FMN1: variants seen among roughly 807,000 people sequenced by gnomAD.
FMN1 encodes formin 1.
In FMN1, 110 loss-of-function variants were observed where a neutral mutation model predicts 132.4. That is an observed-to-expected ratio of 0.83 (90% CI 0.71 to 0.97). The LOEUF (loss-of-function observed/expected upper bound fraction) is 0.97, where lower values mean the gene tolerates loss of function less well. Ranked by LOEUF, FMN1 falls within the 50% of genes least tolerant of loss-of-function variation. FMN1 has a pLI of 0.00. For missense variants in FMN1, 1,792 were observed against 1,705.3 expected, an observed-to-expected ratio of 1.05 and a Z score of -0.90; for synonymous variants, 722 against 651.7, an observed-to-expected ratio of 1.11 and a Z score of -1.64.
chr15:32,945,916 T>A (rs2061499699), intron 9 of FMN1, among the ~76,000 whole-genome samples: 1 of 152,216 alleles, frequency 6.6e-6, no homozygotes, highest in Non-Finnish European at 1.5e-5. Flanking sequence ...TCTCGCATAG[T>A]CTTCATTTGC....
chr15:33,018,804 C>G (rs1252732821), intron 6 of FMN1, among the ~76,000 whole-genome samples: 1 of 152,166 alleles, frequency 6.6e-6, no homozygotes, highest in Non-Finnish European at 1.5e-5. Flanking sequence ...GGTGGTCTCG[C>G]TGGCTTCAGT....
intron 6 of FMN1, among the ~76,000 whole-genome samples, chr15:33,026,284 A>G (rs930524331): frequency 2.0e-5 from 3 of 152,136 alleles, no homozygotes; most frequent in African/African-American, 7.2e-5. Flanking sequence ...TTAAAAATCT[A>G]AAGAAAATAT....
At chr15:32,951,940 T>C (rs905246939) in intron 9 of FMN1, among the ~76,000 whole-genome samples, 1 of 152,176 alleles carries the variant, frequency 6.6e-6, no homozygotes, top group Admixed American at 6.5e-5. Context: ...GGTCAGAAAC[T>C]GGAGCTCAGC....
At chr15:33,022,024 A>C (rs969430555) in intron 6 of FMN1, among the ~76,000 whole-genome samples, 20 of 152,204 alleles carry the variant, frequency 1.3e-4, no homozygotes, top group African/African-American at 4.8e-4. Flanking sequence ...CCTTGGTGGG[A>C]GGGATTGGTT....
intron 19 of FMN1, among the ~76,000 whole-genome samples, chr15:32,787,817 G>A (rs1346171748): frequency 2.0e-5 from 3 of 152,042 alleles, no homozygotes; most frequent in African/African-American, 7.2e-5. Flanking sequence ...CTGCATTCTA[G>A]CCTGGGCAAA....
At chr15:32,850,981 C>G (rs1293379137) in intron 17 of FMN1, among the ~76,000 whole-genome samples, 3 of 151,912 alleles carry the variant, frequency 2.0e-5, no homozygotes, top group Admixed American at 2.0e-4. Context: ...TGGCGTGAAC[C>G]CGGGAGGCAG....
intron 4 of FMN1, among the ~76,000 whole-genome samples, chr15:33,124,029 T>G (rs1011172218): frequency 6.6e-6 from 1 of 152,208 alleles, no homozygotes; most frequent in African/African-American, 2.4e-5. Context: ...AGCAAAGGAC[T>G]GGGGAACTAC....
intron 8 of FMN1, 103 bp downstream of exon 8, chr15:32,968,611 A>T: frequency 1.2e-5 from 18 of 1,515,882 alleles, no homozygotes; most frequent in Non-Finnish European, 1.5e-5. Flanking sequence ...ACACTTGATA[A>T]TGGGTGCTAC....
In FMN1 at chr15:32,766,992, C is replaced by G. The variant is rs1326867096; in HGVS notation, c.*7318G>C. 1 of 152,176 alleles carries G rather than the reference C, an allele frequency of 6.6e-6. No homozygotes were observed. The highest frequency in any genetic ancestry group is 1.5e-5 in the Non-Finnish European group (1 of 68,072). 9.4% of individuals were successfully genotyped at this position (152,176 alleles called of 1,614,324 possible). ...ATCTGAAATTGTTGGAGCTGTTAAA[C>G]CAAGCACAGACCAGTTTCACTGGGG... is the stretch of plus-strand genomic sequence containing the variant. On this transcript the variant is annotated 3_prime_UTR_variant, in exon 21 of 21. Transcript: ENST00000616417.
intron 9 of FMN1, among the ~76,000 whole-genome samples, chr15:32,962,036 C>T (rs1347712136): frequency 6.6e-6 from 1 of 152,092 alleles, no homozygotes; most frequent in Non-Finnish European, 1.5e-5. Flanking sequence ...CCCTCCTTCC[C>T]CTGCACTACT....
In FMN1 at chr15:32,767,498, T is replaced by C. The variant is rs2056087477; in HGVS notation, c.*6812A>G. 1 of 152,198 alleles carries C rather than the reference T, an allele frequency of 6.6e-6. No homozygotes were observed. 9.4% of individuals were successfully genotyped at this position (152,198 alleles called of 1,614,324 possible). A position where few individuals can be genotyped will look rare whatever the true frequency, so the allele number is the denominator to read the frequency against. ...AAATCAAAGTCCAAGGCCACCCTGCTTGCCATGCTAGTCTAAATGAAAACT... is the reference window on the plus strand; with the variant it reads ...AAATCAAAGTCCAAGGCCACCCTGCCTGCCATGCTAGTCTAAATGAAAACT... On this transcript the variant is annotated 3_prime_UTR_variant, in exon 21 of 21. Transcript: ENST00000616417.
At chr15:33,077,685 G>A (rs1449663433) in intron 5 of FMN1, among the ~76,000 whole-genome samples, 1 of 151,388 alleles carries the variant, frequency 6.6e-6, no homozygotes, top group Non-Finnish European at 1.5e-5. Flanking sequence ...TCTCTACAAA[G>A]GCCATGAATT....
intron 17 of FMN1, among the ~76,000 whole-genome samples, chr15:32,835,333 C>T (rs1464705066): frequency 1.3e-5 from 2 of 152,138 alleles, no homozygotes; most frequent in Admixed American, 1.3e-4. Flanking sequence ...AAAAAATAAA[C>T]TTAGAATTAT....
Position 32,863,764 on chromosome 15 carries a change from G to A in FMN1, c.3836-6657C>T, listed in dbSNP as rs145005249. On this transcript the variant is annotated intron_variant, in intron 16 of 20. Transcript: ENST00000616417. ...CTTCCTGGTGGTGGGGTGGGAGGACGTGGTTAGAAAAAGTGAATGTCCTTT... is the reference window on the plus strand; with the variant it reads ...CTTCCTGGTGGTGGGGTGGGAGGACATGGTTAGAAAAAGTGAATGTCCTTT... Among the ~76,000 whole-genome samples, 77 of 152,282 alleles carry A rather than the reference G, an allele frequency of 5.1e-4. No individual in the cohort carries two copies. The East Asian group carries it at 0.014, about 28-fold the overall frequency.
chr15:33,120,511 T>C (rs1167675006), intron 4 of FMN1, among the ~76,000 whole-genome samples: 1 of 152,182 alleles, frequency 6.6e-6, no homozygotes, highest in Non-Finnish European at 1.5e-5. Flanking sequence ...CAAGGAATTG[T>C]ATAATCCAAA....
At chr15:33,181,373 C>CA (rs1234411787) in intron 2 of FMN1, among the ~76,000 whole-genome samples, 2 of 152,202 alleles carry the variant, frequency 1.3e-5, no homozygotes, top group African/African-American at 4.8e-5. Flanking sequence ...TCCGAGCAGA[C>CA]AAATCCTCTT....
chr15:33,129,787 ATT>A (rs61564380), intron 4 of FMN1, among the ~76,000 whole-genome samples: 31,855 of 120,790 alleles, frequency 0.26, 3,455 homozygotes, highest in Admixed American at 0.33. Flanking sequence ...TTGACTAGCA[ATT>A]TTTTTTTTTT....
intron 4 of FMN1, 125 bp from the exon 5 acceptor site, chr15:33,089,099 ATTTT>A: frequency 1.3e-6 from 1 of 771,042 alleles, no homozygotes. Context: ...TCTAAGTTAT[ATTTT>A]TAAGAGACTG....
At chr15:33,126,592 T>C (rs985032857) in intron 4 of FMN1, among the ~76,000 whole-genome samples, 14 of 149,898 alleles carry the variant, frequency 9.3e-5, no homozygotes, top group East Asian at 8.2e-4. Context: ...CATTCTTCAA[T>C]AGACCAGAAA....
Sources: gnomAD v4.1 joint callset for allele counts (sites outside exome capture counted in the v4.1 genomes callset) on GRCh38, gnomAD v4.1.1 for gene constraint, MANE v1.5 for transcripts, NCBI Gene and HGNC (gene_info 2026-07-23, HGNC 2026-07-21) for gene names.